USO1: variants seen among roughly 807,000 people sequenced by gnomAD.
The protein encoded by USO1 is general vesicular transport factor p115.
USO1 carries 57 observed loss-of-function variants against 124.5 expected under a neutral mutation model. The ratio of observed to expected loss-of-function variants is 0.46; its 90% CI spans 0.37 to 0.57. The LOEUF (loss-of-function observed/expected upper bound fraction) is 0.57. Among genes scored for constraint, USO1 ranks in the 20% least tolerant of loss-of-function variants. The pLI, the probability that USO1 is intolerant of heterozygous loss-of-function variation, is 0.00. For synonymous variants in USO1, 369 were observed against 362.8 expected, an observed-to-expected ratio of 1.02 and a Z score of -0.19; for missense variants, 900 against 1,040.6, an observed-to-expected ratio of 0.86 and a Z score of 1.86.
At position 75,770,938 on chromosome 4, in the gene USO1, C is replaced by CT. The variant is rs1261352179; in HGVS notation, c.499+20dup. On this transcript the variant is annotated intron_variant, in intron 6 of 23. Coordinates refer to ENST00000514213, the MANE Select transcript of USO1 (RefSeq NM_003715.4). ...TCAGTCCTATGGGTAAGTGACTTAT[C>CT]TTTTTTATATTATTTTGATTCAAGC... The CT allele has an allele frequency of 1.9e-6, 3 of 1,602,040 alleles. No homozygotes were observed. The highest frequency in any genetic ancestry group is 2.2e-5 in the East Asian group (1 of 44,784).
At chr4:75,775,838 TA>T (rs1722059062) in intron 8 of USO1, among the ~76,000 whole-genome samples, 1 of 152,070 alleles carries the variant, frequency 6.6e-6, no homozygotes, top group African/African-American at 2.4e-5. Flanking sequence ...AGGGAGTTTC[TA>T]AAAAAGGCAT....
chr4:75,759,246 C>CTTTTTTTTTTTTTTT (rs71208100), intron 4 of USO1, among the ~76,000 whole-genome samples: 1,823 of 69,038 alleles, frequency 0.026, 462 homozygotes, highest in African/African-American at 0.073. Flanking sequence ...TATTAAGGAC[C>CTTTTTTTTTTTTTTT]TTTTTTTTTT....
chr4:75,749,957 GT>G (rs1577935739), intron 1 of USO1, among the ~76,000 whole-genome samples: 2 of 152,042 alleles, frequency 1.3e-5, no homozygotes, highest in East Asian at 3.9e-4. Flanking sequence ...GTTTCATCAT[GT>G]TAGCCAGCAT....
At chr4:75,753,814 C>A (rs1553898178) in intron 3 of USO1, among the ~76,000 whole-genome samples, 1 of 133,784 alleles carries the variant, frequency 7.5e-6, no homozygotes, top group Non-Finnish European at 1.5e-5. Context: ...GATTAAGTCT[C>A]GCTCTGTCGC....
At chr4:75,780,602 A>G (rs1722192524) in intron 8 of USO1, among the ~76,000 whole-genome samples, 1 of 141,350 alleles carries the variant, frequency 7.1e-6, no homozygotes, top group Non-Finnish European at 1.5e-5. Flanking sequence ...TTAACACAAC[A>G]TGCATTTTGC....
chr4:75,736,307 C>CTTTTTTTTT lies in USO1; in HGVS notation c.66+11442_66+11450dup, dbSNP rs775201813. On this transcript the variant is annotated intron_variant, in intron 1 of 23. Coordinates refer to ENST00000514213, the MANE Select transcript of USO1 (RefSeq NM_003715.4). Reference sequence around the variant, plus strand: ...CTGTTTATTGTGTTCTACAGCTTACCTTTTTTTTTTTTTTTTTTTTTTTTT... The same window carrying CTTTTTTTTT: ...CTGTTTATTGTGTTCTACAGCTTACCTTTTTTTTTTTTTTTTTTTTTTTTTTTTTTTTTT... Among the ~76,000 whole-genome samples, 4 of 63,276 alleles carry CTTTTTTTTT rather than the reference C, an allele frequency of 6.3e-5. 1 individual carries two copies. The East Asian group carries it at 1.5e-3, about 24-fold the overall frequency. 41.5% of individuals were successfully genotyped at this position (63,276 alleles called of 152,430 possible). A position where few individuals can be genotyped will look rare whatever the true frequency, so the allele number is the denominator to read the frequency against.
At chr4:75,732,897 A>AAAAAAAC (rs1720676274) in intron 1 of USO1, among the ~76,000 whole-genome samples, 1 of 150,478 alleles carries the variant, frequency 6.6e-6, no homozygotes, top group Non-Finnish European at 1.5e-5. Context: ...AAAAAAAAAA[A>AAAAAAAC]AGTCATAGTT....
intron 8 of USO1, among the ~76,000 whole-genome samples, chr4:75,777,490 G>A (rs1722103688): frequency 6.6e-6 from 1 of 152,038 alleles, no homozygotes; most frequent in South Asian, 2.1e-4. Flanking sequence ...TCTTAAAACT[G>A]AAAAATAAGA....
intron 1 of USO1, among the ~76,000 whole-genome samples, chr4:75,736,655 A>G (rs1720801540): frequency 1.3e-5 from 2 of 152,192 alleles, no homozygotes; most frequent in South Asian, 2.1e-4. Flanking sequence ...TAAAACATAC[A>G]GAGGTACTTT....
At chr4:75,798,197 G>C (rs1394999220) in intron 13 of USO1, among the ~76,000 whole-genome samples, 1 of 151,938 alleles carries the variant, frequency 6.6e-6, no homozygotes. Flanking sequence ...GACCCCAAAA[G>C]CCATGCTTTT....
intron 9 of USO1, 41 bp from the exon 10 acceptor site, chr4:75,787,021 A>G (rs1372257875): frequency 9.1e-6 from 14 of 1,541,440 alleles, no homozygotes; most frequent in Admixed American, 2.1e-5. Flanking sequence ...AGCCTTTTCA[A>G]ATCTTTAAAA....
chr4:75,796,262 TG>T (rs1722674433), intron 13 of USO1, among the ~76,000 whole-genome samples: 1 of 151,916 alleles, frequency 6.6e-6, no homozygotes, highest in East Asian at 1.9e-4. Flanking sequence ...TGATTTTTGG[TG>T]TTTGAGTGTA....
chr4:75,725,489 A>G (rs1426669017), intron 1 of USO1, among the ~76,000 whole-genome samples: 3 of 152,038 alleles, frequency 2.0e-5, no homozygotes, highest in Non-Finnish European at 4.4e-5. Context: ...TTTCGGGCTC[A>G]CCCAAATATA....
chr4:75,741,936 A>G (rs540782448), intron 1 of USO1, among the ~76,000 whole-genome samples: 1 of 152,244 alleles, frequency 6.6e-6, no homozygotes, highest in African/African-American at 2.4e-5. Context: ...CTGTTAGCCT[A>G]GGCCTACACA....
intron 3 of USO1, among the ~76,000 whole-genome samples, chr4:75,754,480 A>G (rs1436809273): frequency 6.6e-6 from 1 of 152,214 alleles, no homozygotes; most frequent in Non-Finnish European, 1.5e-5. Context: ...TGTGTCTTAC[A>G]AGCTTTAGCT....
At chr4:75,783,913 G>A (rs1722290936) in intron 9 of USO1, among the ~76,000 whole-genome samples, 1 of 152,132 alleles carries the variant, frequency 6.6e-6, no homozygotes, top group Admixed American at 6.6e-5. Flanking sequence ...CATCATTTCT[G>A]TTTTCAAATG....
At chr4:75,734,224 G>A (rs774825372) in intron 1 of USO1, among the ~76,000 whole-genome samples, 5 of 152,024 alleles carry the variant, frequency 3.3e-5, no homozygotes, top group African/African-American at 7.2e-5. Flanking sequence ...GATTACAGGC[G>A]TAAGCCACCA....
intron 5 of USO1, 138 bp from the exon 6 acceptor site, chr4:75,770,684 A>G: frequency 1.4e-6 from 2 of 1,448,956 alleles, no homozygotes; most frequent in Non-Finnish European, 1.8e-6. Flanking sequence ...GGATGTTTCA[A>G]GAACTATGTA....
intron 3 of USO1, chr4:75,755,427 T>C (rs1457781092): frequency 3.9e-6 from 2 of 519,266 alleles, no homozygotes; most frequent in Non-Finnish European, 7.7e-6. Flanking sequence ...CATTCTCTCA[T>C]TTAATGCATT....
Sources: allele counts gnomAD v4.1 joint callset (sites outside exome capture counted in the v4.1 genomes callset), GRCh38; gene constraint gnomAD v4.1.1; transcripts MANE v1.5; gene names NCBI Gene and HGNC (gene_info 2026-07-23, HGNC 2026-07-21).